GPHN: variants seen among roughly 807,000 people sequenced by gnomAD.
GPHN encodes the protein gephyrin.
GPHN carries 17 observed loss-of-function variants against 95.5 expected under a neutral mutation model. The ratio of observed to expected loss-of-function variants is 0.18; its 90% confidence interval spans 0.12 to 0.27. The LOEUF (loss-of-function observed/expected upper bound fraction) is 0.27. Ranked by LOEUF, GPHN falls within the 10% of genes least tolerant of loss-of-function variation. GPHN has a pLI of 1.00. For synonymous variants in GPHN, 320 were observed against 322.5 expected (o/e 0.99, Z 0.08); for missense variants, 660 against 978.1 (o/e 0.67, Z 4.34).
the GPHN span, among the ~76,000 whole-genome samples, chr14:67,239,871 C>A: frequency 6.6e-6 from 1 of 152,132 alleles, no homozygotes; most frequent in Non-Finnish European, 1.5e-5. Context: ...AAAACAAAAA[C>A]AAAAGAACTT....
intron 9 of GPHN, among the ~76,000 whole-genome samples, chr14:67,000,323 T>G (rs1386100473): frequency 1.3e-5 from 2 of 151,612 alleles, no homozygotes; most frequent in East Asian, 1.9e-4. Context: ...GTAAATGAAC[T>G]TTAAACACCA....
At chr14:67,469,729 T>A in the GPHN span, among the ~76,000 whole-genome samples, 1 of 152,090 alleles carries the variant, frequency 6.6e-6, no homozygotes, top group Admixed American at 6.6e-5. Context: ...GATTACTCCC[T>A]CCAAATGCAC....
At chr14:66,669,101 C>T (rs1242843868) in intron 1 of GPHN, among the ~76,000 whole-genome samples, 8 of 152,032 alleles carry the variant, frequency 5.3e-5, no homozygotes, top group Non-Finnish European at 1.0e-4. Context: ...TGGTGGCTCA[C>T]GCCTGTAATC....
Position 66,652,425 on chromosome 14 carries a change from TC to T in GPHN, c.65-28681del, listed in dbSNP as rs759233780. On this transcript the variant is annotated intron_variant, in intron 1 of 22. Coordinates refer to ENST00000478722, the MANE Select transcript of GPHN (RefSeq NM_020806.5). The stretch of plus-strand genomic sequence containing the variant: ...TATAATATACCATATATATATAATA[TC>T]ATTCTATGTAACCTACCACATGTTC... 9.9e-5 allele frequency among the ~76,000 whole-genome samples: 15 copies of T among 152,084 alleles called. No individual in the cohort carries two copies. The South Asian group carries it at 3.1e-3, about 32-fold the overall frequency.
rs913239267 is a variant in GPHN, at chr14:66,777,247, A to G, written c.201+726A>G. On this transcript the variant is annotated intron_variant, in intron 3 of 22. Coordinates refer to ENST00000478722, the MANE Select transcript of GPHN (RefSeq NM_020806.5). ...GAAGAAATGGATAAATTCCTCGACAAATACACTCTCCCAAGACTAAACCAG... is the reference window on the plus strand; with the variant it reads ...GAAGAAATGGATAAATTCCTCGACAGATACACTCTCCCAAGACTAAACCAG... Among the ~76,000 whole-genome samples, 87 of 152,202 alleles carry G rather than the reference A, an allele frequency of 5.7e-4. 2 individuals carry two copies. The highest frequency in any genetic ancestry group is 2.0e-3 in the African/African-American group (84 of 41,536).
the GPHN span, chr14:67,338,726 C>A: frequency 6.2e-7 from 1 of 1,613,398 alleles, no homozygotes; most frequent in African/African-American, 1.3e-5. Context: ...CAGATTTTTC[C>A]TTTAGAATCT....
At chr14:66,676,600 A>T (rs963426519) in intron 1 of GPHN, among the ~76,000 whole-genome samples, 1 of 151,144 alleles carries the variant, frequency 6.6e-6, no homozygotes, top group Non-Finnish European at 1.5e-5. Flanking sequence ...GATGTGATGT[A>T]GCACATCTAT....
chr14:67,019,976 C>A (rs2073517893), intron 9 of GPHN, among the ~76,000 whole-genome samples: 2 of 152,130 alleles, frequency 1.3e-5, no homozygotes, highest in South Asian at 4.1e-4. Context: ...TCTTAATGGG[C>A]TTGTGTGTGT....
intron 2 of GPHN, among the ~76,000 whole-genome samples, chr14:66,697,821 G>A (rs977904087): frequency 2.6e-4 from 39 of 151,682 alleles, no homozygotes; most frequent in Non-Finnish European, 5.1e-4. Context: ...CCAAGTAGCT[G>A]GGACTACAGG....
At chr14:67,291,292 G>T in the GPHN span, among the ~76,000 whole-genome samples, 30 of 148,234 alleles carry the variant, frequency 2.0e-4, no homozygotes, top group Non-Finnish European at 3.6e-4. Flanking sequence ...GCAATGGTGT[G>T]ATCTCGGCTC....
intron 1 of GPHN, among the ~76,000 whole-genome samples, chr14:66,654,542 T>C (rs2065211791): frequency 6.6e-6 from 1 of 152,222 alleles, no homozygotes; most frequent in South Asian, 2.1e-4. Flanking sequence ...GTTCTTTATA[T>C]TGTCTGCATG....
chr14:67,578,514 GCTGT>G, the GPHN span: 7 of 1,561,308 alleles, frequency 4.5e-6, no homozygotes, highest in African/African-American at 8.1e-5. This position sits in a 1 kb window ranked among gnomAD's most constrained non-coding sequence, Gnocchi z 5.0. Flanking sequence ...CTCACCCCAC[GCTGT>G]CTGTGTCCCT....
At chr14:67,651,862 C>G in the GPHN span, 1 of 173,282 alleles carries the variant, frequency 5.8e-6, no homozygotes, top group Non-Finnish European at 1.2e-5. Flanking sequence ...TAATACCTTT[C>G]AATCCCTTGT....
the GPHN span, among the ~76,000 whole-genome samples, chr14:67,248,668 G>A: frequency 6.6e-6 from 1 of 152,022 alleles, no homozygotes; most frequent in African/African-American, 2.4e-5. Context: ...TTTTAGCTTC[G>A]TGGGCCATAT....
chr14:66,586,442 G>C (rs997870689), intron 1 of GPHN, among the ~76,000 whole-genome samples: 4 of 152,104 alleles, frequency 2.6e-5, no homozygotes, highest in Non-Finnish European at 4.4e-5. Flanking sequence ...GATGTTAGCT[G>C]GTTATTTTGC....
chr14:67,547,601 A>C, the GPHN span, among the ~76,000 whole-genome samples: 1 of 152,022 alleles, frequency 6.6e-6, no homozygotes, highest in Non-Finnish European at 1.5e-5. Flanking sequence ...GGGACATTAC[A>C]TGGGCTGATG....
At chr14:67,537,240 A>C in the GPHN span, among the ~76,000 whole-genome samples, 1 of 144,406 alleles carries the variant, frequency 6.9e-6, no homozygotes, top group Non-Finnish European at 1.5e-5. Flanking sequence ...GCTACTCAGG[A>C]GGCTGAGGCA....
chr14:67,064,359 A>G (rs1182701569), intron 11 of GPHN, among the ~76,000 whole-genome samples: 1 of 152,158 alleles, frequency 6.6e-6, no homozygotes, highest in East Asian at 1.9e-4. Flanking sequence ...GGATTTTTGC[A>G]TCGATGTTCT....
intron 6 of GPHN, among the ~76,000 whole-genome samples, chr14:66,918,008 T>C (rs760897147): frequency 4.6e-5 from 7 of 152,178 alleles, no homozygotes; most frequent in Non-Finnish European, 8.8e-5. Context: ...ACAAAATTGC[T>C]CATTTCTGAC....
Sources: gnomAD v4.1 joint callset for allele counts (sites outside exome capture counted in the v4.1 genomes callset) on GRCh38, gnomAD v4.1.1 for gene constraint, Gnocchi (gnomAD v3.1) non-coding constraint, MANE v1.5 for transcripts, NCBI Gene and HGNC (gene_info 2026-07-23, HGNC 2026-07-21) for gene names.